RALYL: variants seen among roughly 807,000 people sequenced by gnomAD.
RALYL encodes RALY RNA binding protein like, also known as RNA-binding Raly-like protein.
In RALYL, 29 loss-of-function variants were observed where a neutral mutation model predicts 35.1. That is an observed-to-expected ratio of 0.83 (90% CI 0.61 to 1.13). The LOEUF (loss-of-function observed/expected upper bound fraction) is 1.13, where lower values mean the gene tolerates loss of function less well. Ranked by LOEUF, RALYL falls within the 50% of genes most tolerant of loss-of-function variation. The pLI is 0.00. For synonymous variants in RALYL, 120 were observed against 127.6 expected (o/e 0.94, Z 0.40); for missense variants, 359 against 360.4 (o/e 1.00, Z 0.03).
chr8:84,248,138 TAGG>T (rs777355204), intron 1 of RALYL, among the ~76,000 whole-genome samples: 7 of 151,950 alleles, frequency 4.6e-5, no homozygotes, highest in Non-Finnish European at 7.4e-5. Flanking sequence ...GAGGAAAAAA[TAGG>T]AGGATTACCA....
chr8:84,556,527 A>C (rs1588159280), intron 2 of RALYL, among the ~76,000 whole-genome samples: 2 of 152,172 alleles, frequency 1.3e-5, no homozygotes, highest in East Asian at 3.8e-4. Flanking sequence ...AAACAAAAAC[A>C]CATCTTTATT....
chr8:84,221,170 T>A (rs1053524585), intron 1 of RALYL, among the ~76,000 whole-genome samples: 3 of 152,040 alleles, frequency 2.0e-5, no homozygotes, highest in Non-Finnish European at 2.9e-5. Flanking sequence ...CATTTATTAC[T>A]TTGCATATTA....
chr8:84,418,532 C>T (rs1359416820), intron 1 of RALYL, among the ~76,000 whole-genome samples: 1 of 151,944 alleles, frequency 6.6e-6, no homozygotes, highest in East Asian at 1.9e-4. Flanking sequence ...TTATTTACTC[C>T]TTTCTTTATT....
intron 2 of RALYL, among the ~76,000 whole-genome samples, chr8:84,701,522 T>C (rs16913139): frequency 0.021 from 3,266 of 152,250 alleles, 133 homozygotes; most frequent in African/African-American, 0.074. Flanking sequence ...ATTCAACACG[T>C]TTTAACTTGA....
intron 1 of RALYL, among the ~76,000 whole-genome samples, chr8:84,217,057 T>G (rs1821004640): frequency 6.6e-6 from 1 of 152,162 alleles, no homozygotes; most frequent in African/African-American, 2.4e-5. Flanking sequence ...GTTATAACCC[T>G]TTTAAATAGA....
intron 2 of RALYL, among the ~76,000 whole-genome samples, chr8:84,567,692 T>G (rs112607993): frequency 1.3e-5 from 2 of 151,036 alleles, no homozygotes; most frequent in African/African-American, 4.9e-5. Context: ...TTTTTTTTTA[T>G]AATGATTTAT....
intron 1 of RALYL, among the ~76,000 whole-genome samples, chr8:84,377,264 A>G (rs1479434655): frequency 6.6e-6 from 1 of 151,756 alleles, no homozygotes. Context: ...AGTTTGGAAC[A>G]CACTGACTTA....
intron 2 of RALYL, among the ~76,000 whole-genome samples, chr8:84,761,586 A>T (rs983341320): frequency 6.6e-6 from 1 of 152,116 alleles, no homozygotes; most frequent in African/African-American, 2.4e-5. Context: ...AAATTGCAAG[A>T]TCATCCTAAC....
chr8:84,904,481 A>G (rs1846164152), intron 8 of RALYL, among the ~76,000 whole-genome samples: 2 of 152,304 alleles, frequency 1.3e-5, no homozygotes, highest in South Asian at 4.1e-4. Flanking sequence ...ATATAAGAGA[A>G]CCAAAAGAAT....
intron 2 of RALYL, among the ~76,000 whole-genome samples, chr8:84,634,997 C>A (rs1413461538): frequency 6.6e-6 from 1 of 151,666 alleles, no homozygotes; most frequent in Non-Finnish European, 1.5e-5. Flanking sequence ...TTAGGGAGAA[C>A]CTGCTGTTTG....
chr8:84,735,809 CGCGAGAGAGAGAGA>C lies in RALYL; in HGVS notation c.257-38768_257-38755del, dbSNP rs1166277552. Among the ~76,000 whole-genome samples, 393 of 119,118 alleles carry C rather than the reference CGCGAGAGAGAGAGA, an allele frequency of 3.3e-3. 4 individuals are homozygous for C. Among genetic ancestry groups the C allele is most frequent in the Admixed American group, 0.011 (126 of 12,000 alleles). 78.1% of individuals were successfully genotyped at this position (119,118 alleles called of 152,430 possible). On this transcript the variant is annotated intron_variant, in intron 2 of 8. Transcript: ENST00000521268. ...CCCCATTCCTTAAGATCATCCAAAC[CGCGAGAGAGAGAGA>C]GAGAGAGAGAGAGAGAGAGAGAGAG...
intron 1 of RALYL, among the ~76,000 whole-genome samples, chr8:84,467,509 A>T (rs551452756): frequency 1.3e-4 from 19 of 151,382 alleles, no homozygotes; most frequent in African/African-American, 4.4e-4. Context: ...TCTGAGAGAT[A>T]GTTTGTTATA....
intron 1 of RALYL, among the ~76,000 whole-genome samples, chr8:84,222,462 A>G (rs1418487176): frequency 1.3e-5 from 2 of 152,244 alleles, no homozygotes; most frequent in Admixed American, 6.5e-5. Context: ...CAGAAGTACA[A>G]CAGTGAGTCA....
chr8:84,687,855 A>G (rs1408393717), intron 2 of RALYL, among the ~76,000 whole-genome samples: 7 of 152,068 alleles, frequency 4.6e-5, no homozygotes, highest in Admixed American at 4.6e-4. Flanking sequence ...TTATAATGCA[A>G]GCTCTGTTAG....
rs71271988 is a variant in RALYL at position 84,428,077 on chromosome 8, G to GTCTC, written c.-23-101195_-23-101192dup. Among the ~76,000 whole-genome samples, 282 of 129,366 alleles carry GTCTC rather than the reference G, an allele frequency of 2.2e-3. 1 individual carries two copies. Among genetic ancestry groups the GTCTC allele is most frequent in the African/African-American group, 3.1e-3 (110 of 34,978 alleles). The allele number at this position is 129,366 out of a possible 152,430, so 84.9% of individuals were successfully genotyped here. ...TCCGGCTCGCTTGCGCTTGCTCGCT[G>GTCTC]TCTCTCTCTCTCTCTCTCTCTCTCT... On this transcript the variant is annotated intron_variant, in intron 1 of 8. Transcript: ENST00000521268.
chr8:84,413,160 T>C (rs960589424), intron 1 of RALYL, among the ~76,000 whole-genome samples: 40 of 150,906 alleles, frequency 2.7e-4, no homozygotes, highest in Non-Finnish European at 2.8e-4. Flanking sequence ...TCAAAATATT[T>C]GACTAAATAA....
chr8:84,220,375 A>G (rs185948524), intron 1 of RALYL, among the ~76,000 whole-genome samples: 3 of 152,072 alleles, frequency 2.0e-5, no homozygotes, highest in African/African-American at 4.8e-5. Flanking sequence ...CAGTCCTTAT[A>G]TACATGGTGA....
intron 2 of RALYL, among the ~76,000 whole-genome samples, chr8:84,673,859 A>C (rs1833716704): frequency 6.6e-6 from 1 of 152,122 alleles, no homozygotes; most frequent in Non-Finnish European, 1.5e-5. Flanking sequence ...TTGACAATTT[A>C]GGTTCCCTTT....
chr8:84,470,976 C>T (rs1015505625), intron 1 of RALYL, among the ~76,000 whole-genome samples: 5 of 152,142 alleles, frequency 3.3e-5, no homozygotes, highest in African/African-American at 1.2e-4. Flanking sequence ...CAAATTGGAA[C>T]CTGTTATATA....
Sources: gnomAD v4.1 joint callset for allele counts (sites outside exome capture counted in the v4.1 genomes callset) on GRCh38, gnomAD v4.1.1 for gene constraint, MANE v1.5 for transcripts, NCBI Gene and HGNC (gene_info 2026-07-23, HGNC 2026-07-21) for gene names.